The following PRKG1 variants were observed in gnomAD, a reference collection of about 807,000 sequenced individuals.
The protein encoded by PRKG1 is protein kinase cGMP-dependent 1.
A neutral mutation model predicts 88.1 loss-of-function variants in PRKG1; 35 were observed. The observed-to-expected ratio is 0.40, with a 90% CI of 0.30 to 0.53. The LOEUF (loss-of-function observed/expected upper bound fraction) is 0.53. Among genes scored for constraint, PRKG1 ranks in the 20% least tolerant of loss-of-function variants. The probability of loss-of-function intolerance (pLI) is 0.59; values close to 1 mark genes in which losing one functional copy is unlikely to be tolerated. For synonymous variants in PRKG1, 303 were observed against 292.5 expected (o/e 1.04, Z -0.37); for missense variants, 540 against 839.8 (o/e 0.64, Z 4.41).
chr10:51,540,010 G>A (rs1202249461), intron 3 of PRKG1, among the ~76,000 whole-genome samples: 1 of 151,956 alleles, frequency 6.6e-6, no homozygotes, highest in Non-Finnish European at 1.5e-5. Context: ...TTTCTTATTA[G>A]CTCAAGAGAT....
chr10:51,770,527 G>C (rs144899202), intron 3 of PRKG1, among the ~76,000 whole-genome samples: 1 of 152,188 alleles, frequency 6.6e-6, no homozygotes, highest in South Asian at 2.1e-4. Context: ...ATACCAGCCC[G>C]TAGCCTCTTA....
In PRKG1 at chr10:51,308,468, T is replaced by A. The variant is rs536647043; in HGVS notation, c.478+155138T>A. 5.9e-5 allele frequency among the ~76,000 whole-genome samples: 9 copies of A among 152,318 alleles called. No individual in the cohort carries two copies. The South Asian group carries it at 1.9e-3, about 32-fold the overall frequency. On this transcript the variant is annotated intron_variant, in intron 2 of 17. Transcript: ENST00000373980. ...CATAAAAAGCACATGGGCCTATTGC[T>A]CAGTAAGCAGTTAGCTGATGTTATT...
chr10:51,297,162 A>T (rs1840742600), intron 2 of PRKG1, among the ~76,000 whole-genome samples: 1 of 152,046 alleles, frequency 6.6e-6, no homozygotes, highest in African/African-American at 2.4e-5. Flanking sequence ...TGCGAGCTGT[A>T]AGATTGGTTG....
intron 2 of PRKG1, among the ~76,000 whole-genome samples, chr10:51,447,329 T>C (rs1341186722): frequency 1.3e-5 from 2 of 151,986 alleles, no homozygotes; most frequent in Non-Finnish European, 2.9e-5. Context: ...CCAGTGACTG[T>C]ATATTCAGCT....
chr10:51,409,110 G>A (rs1011570812), intron 2 of PRKG1, among the ~76,000 whole-genome samples: 2 of 152,190 alleles, frequency 1.3e-5, no homozygotes, highest in African/African-American at 4.8e-5. Flanking sequence ...TCTGCCCACT[G>A]GGAAGATTTC....
intron 4 of PRKG1, among the ~76,000 whole-genome samples, chr10:51,866,734 T>A (rs12570531): frequency 0.39 from 58,796 of 151,988 alleles, 12,068 homozygotes; most frequent in South Asian, 0.46. Flanking sequence ...AAATTCTGTT[T>A]ATTCTTCAAA....
chr10:51,282,117 C>A (rs1003056355), intron 2 of PRKG1, among the ~76,000 whole-genome samples: 1 of 152,112 alleles, frequency 6.6e-6, no homozygotes, highest in Non-Finnish European at 1.5e-5. Flanking sequence ...TGTGAAGATG[C>A]AAACCTGACA....
chr10:52,128,203 AG>A (rs1258364081), intron 7 of PRKG1: 2 of 985,274 alleles, frequency 2.0e-6, no homozygotes, highest in African/African-American at 3.5e-5. Flanking sequence ...AAGCAACTGG[AG>A]TAGTGTCGAG....
At chr10:51,617,143 A>G (rs1317189883) in intron 3 of PRKG1, among the ~76,000 whole-genome samples, 1 of 152,064 alleles carries the variant, frequency 6.6e-6, no homozygotes, top group Non-Finnish European at 1.5e-5. Context: ...CATGGCTAGG[A>G]TTGCAGAAGT....
At chr10:51,676,814 C>CT (rs529192617) in intron 3 of PRKG1, among the ~76,000 whole-genome samples, 109 of 152,190 alleles carry the variant, frequency 7.2e-4, no homozygotes, top group Non-Finnish European at 1.2e-3. Flanking sequence ...GTTGTCTATT[C>CT]TTTTTTTGCT....
chr10:51,511,900 T>C (rs188012105), intron 3 of PRKG1, among the ~76,000 whole-genome samples: 1 of 152,322 alleles, frequency 6.6e-6, no homozygotes, highest in East Asian at 1.9e-4. Flanking sequence ...TGGTCGAATA[T>C]ATAAATTAAC....
intron 1 of PRKG1, among the ~76,000 whole-genome samples, chr10:51,059,125 A>G (rs908786652): frequency 1.3e-5 from 2 of 152,210 alleles, no homozygotes; most frequent in Non-Finnish European, 2.9e-5. Context: ...AATAGTTTAT[A>G]TGTAGGTCTA....
chr10:51,600,519 A>G (rs993573952), intron 3 of PRKG1, among the ~76,000 whole-genome samples: 1 of 152,224 alleles, frequency 6.6e-6, no homozygotes, highest in African/African-American at 2.4e-5. Flanking sequence ...GAAAATTTAA[A>G]ATTTTCTAGT....
chr10:51,959,016 A>C (rs1025210632), intron 5 of PRKG1, among the ~76,000 whole-genome samples: 1 of 152,168 alleles, frequency 6.6e-6, no homozygotes, highest in Non-Finnish European at 1.5e-5. Context: ...GTCTTGTGGC[A>C]TCTATTGTTA....
chr10:51,998,842 C>A (rs1279437825), intron 5 of PRKG1, among the ~76,000 whole-genome samples: 1 of 152,142 alleles, frequency 6.6e-6, no homozygotes, highest in Non-Finnish European at 1.5e-5. Context: ...TTTCCCTTCA[C>A]TGTCAAAGTC....
At chr10:51,969,434 A>G (rs963499839) in intron 5 of PRKG1, among the ~76,000 whole-genome samples, 1 of 152,174 alleles carries the variant, frequency 6.6e-6, no homozygotes, top group African/African-American at 2.4e-5. Flanking sequence ...GTCTTTTCTG[A>G]GAATTATTCC....
chr10:51,782,897 T>C (rs1276348062), intron 3 of PRKG1, among the ~76,000 whole-genome samples: 1 of 152,100 alleles, frequency 6.6e-6, no homozygotes, highest in Non-Finnish European at 1.5e-5. Context: ...TATGTCTTTA[T>C]CAGTAGCGTG....
At chr10:51,886,876 C>T (rs1475653209) in intron 4 of PRKG1, among the ~76,000 whole-genome samples, 1 of 152,188 alleles carries the variant, frequency 6.6e-6, no homozygotes, top group Non-Finnish European at 1.5e-5. Flanking sequence ...AAAAAGTTAG[C>T]CATCCTTATC....
chr10:51,139,212 C>T (rs921583094), intron 1 of PRKG1, among the ~76,000 whole-genome samples: 1 of 152,086 alleles, frequency 6.6e-6, no homozygotes, highest in Non-Finnish European at 1.5e-5. Context: ...AGAAATAAGA[C>T]CATGATAAAC....
Sources: allele counts gnomAD v4.1 joint callset (sites outside exome capture counted in the v4.1 genomes callset), GRCh38; gene constraint gnomAD v4.1.1; transcripts MANE v1.5; gene names NCBI Gene and HGNC (gene_info 2026-07-23, HGNC 2026-07-21).